Variants in STK31 observed in about 807,000 individuals in gnomAD.
The protein encoded by STK31 is serine/threonine kinase 31.
STK31 carries 89 observed loss-of-function variants against 129.7 expected under a neutral mutation model. That is an observed-to-expected ratio of 0.69 (90% CI 0.58 to 0.82). The LOEUF (loss-of-function observed/expected upper bound fraction) is 0.82, where lower values mean the gene tolerates loss of function less well. Among genes scored for constraint, STK31 ranks in the 40% least tolerant of loss-of-function variants. The pLI, the probability that STK31 is intolerant of heterozygous loss-of-function variation, is 0.00. For synonymous variants in STK31, 448 were observed against 395.3 expected (o/e 1.13, Z -1.58); for missense variants, 1,187 against 1,176.4 (o/e 1.01, Z -0.13).
chr7:23,759,418 A>G (rs1232570768), intron 10 of STK31, among the ~76,000 whole-genome samples: 1 of 152,260 alleles, frequency 6.6e-6, no homozygotes, highest in African/African-American at 2.4e-5. Flanking sequence ...AACTGAAATC[A>G]TAACAAACAG....
intron 22 of STK31, among the ~76,000 whole-genome samples, chr7:23,802,548 C>T (rs1792443103): frequency 6.6e-6 from 1 of 152,176 alleles, no homozygotes; most frequent in African/African-American, 2.4e-5. Context: ...CAGTCTCACT[C>T]TGTCACCCAG....
In STK31 at chr7:23,751,805, T is replaced by C. The variant is rs529711367; in HGVS notation, c.1018-912T>C. ...TGATGAATTGACCCATTTATCTTTATGAAATGTCTCTCTTTATTGCTTAGA... is the reference window on the plus strand; with the variant it reads ...TGATGAATTGACCCATTTATCTTTACGAAATGTCTCTCTTTATTGCTTAGA... On this transcript the variant is annotated intron_variant, in intron 8 of 23. Transcript: ENST00000355870. 3.9e-5 allele frequency among the ~76,000 whole-genome samples: 6 copies of C among 152,210 alleles called. No individual in the cohort carries two copies. The South Asian group carries it at 1.2e-3, about 32-fold the overall frequency.
At chr7:23,754,046 A>T (rs945939732) in intron 9 of STK31, among the ~76,000 whole-genome samples, 1 of 151,880 alleles carries the variant, frequency 6.6e-6, no homozygotes, top group Non-Finnish European at 1.5e-5. Flanking sequence ...AAAATTTTTA[A>T]TTTTTTCATA....
At chr7:23,813,059 G>T (rs1205178572) in intron 22 of STK31, among the ~76,000 whole-genome samples, 1 of 142,124 alleles carries the variant, frequency 7.0e-6, no homozygotes, top group Non-Finnish European at 1.5e-5. Flanking sequence ...TGTCTCACAG[G>T]TCCTTGAGGC....
At chr7:23,741,846 G>C (rs1322147876) in intron 8 of STK31, among the ~76,000 whole-genome samples, 3 of 152,198 alleles carry the variant, frequency 2.0e-5, no homozygotes, top group African/African-American at 7.2e-5. Flanking sequence ...GCATAGGAGA[G>C]CCTGGCTTTT....
At chr7:23,812,179 C>T (rs1793176328) in intron 22 of STK31, among the ~76,000 whole-genome samples, 1 of 152,132 alleles carries the variant, frequency 6.6e-6, no homozygotes, top group Non-Finnish European at 1.5e-5. Context: ...ATCTTGATTT[C>T]ACTTTCATTA....
intron 11 of STK31, among the ~76,000 whole-genome samples, chr7:23,768,098 G>A (rs1056269003): frequency 6.6e-6 from 1 of 151,886 alleles, no homozygotes; most frequent in Admixed American, 6.6e-5. Flanking sequence ...ATGCCTTTAA[G>A]TACAGTCAAG....
At chr7:23,717,842 A>G (rs1460247285) in intron 4 of STK31, among the ~76,000 whole-genome samples, 1 of 152,228 alleles carries the variant, frequency 6.6e-6, no homozygotes, top group Non-Finnish European at 1.5e-5. Context: ...GAGGACAAAT[A>G]CTGTTATGGT....
intron 13 of STK31, among the ~76,000 whole-genome samples, chr7:23,770,593 G>A (rs1346980763): frequency 6.6e-6 from 1 of 151,948 alleles, no homozygotes; most frequent in African/African-American, 2.4e-5. Flanking sequence ...GGTGTAATAC[G>A]GGTAAAGTTT....
At chr7:23,774,759 G>C (rs998912227) in intron 15 of STK31, among the ~76,000 whole-genome samples, 1 of 152,126 alleles carries the variant, frequency 6.6e-6, no homozygotes, top group Non-Finnish European at 1.5e-5. Flanking sequence ...TTCTTTTGCT[G>C]TGCAGAAGCT....
chr7:23,804,404 T>G (rs753427172), intron 22 of STK31, among the ~76,000 whole-genome samples: 10 of 152,324 alleles, frequency 6.6e-5, no homozygotes, highest in Middle Eastern at 3.4e-3. Flanking sequence ...CTCAAATGCC[T>G]AGAACTGTGC....
intron 23 of STK31, among the ~76,000 whole-genome samples, chr7:23,824,302 G>A (rs573298823): frequency 6.3e-4 from 96 of 152,302 alleles, no homozygotes; most frequent in Non-Finnish European, 1.2e-3. Context: ...TCTCCTTGGA[G>A]AGGTCCTTCA....
intron 8 of STK31, among the ~76,000 whole-genome samples, chr7:23,745,686 G>T (rs1655448832): frequency 6.6e-6 from 1 of 152,174 alleles, no homozygotes; most frequent in African/African-American, 2.4e-5. Context: ...CTTGGGTCAT[G>T]TGAAGATGCA....
At chr7:23,799,192 C>T (rs182750892) in intron 22 of STK31, among the ~76,000 whole-genome samples, 1 of 152,272 alleles carries the variant, frequency 6.6e-6, no homozygotes, top group African/African-American at 2.4e-5. Flanking sequence ...AGATTCAGTG[C>T]TATCCCCATC....
intron 23 of STK31, among the ~76,000 whole-genome samples, chr7:23,830,437 T>C (rs576975655): frequency 4.1e-4 from 63 of 152,206 alleles, no homozygotes; most frequent in Non-Finnish European, 7.2e-4. Context: ...AGTTTTGTTA[T>C]GTTGCTTTGA....
chr7:23,790,770 G>A (rs552452160), intron 21 of STK31, 54 bp from the exon 22 acceptor site: 1 of 1,445,862 alleles, frequency 6.9e-7, no homozygotes, highest in East Asian at 2.5e-5. Flanking sequence ...GTACTTCACA[G>A]AAAGTCACCT....
chr7:23,721,462 ATCC>A (rs1456882321), intron 4 of STK31: 4 of 1,052,894 alleles, frequency 3.8e-6, no homozygotes, highest in African/African-American at 1.6e-5. Flanking sequence ...CCATTTTTTC[ATCC>A]TCCTCTCTGT....
At chr7:23,736,012 T>C in intron 7 of STK31, 116 bp downstream of exon 7, 3 of 793,404 alleles carry the variant, frequency 3.8e-6, no homozygotes, top group Non-Finnish European at 5.8e-6. Context: ...TTTTAAGGGC[T>C]GATGCTGATA....
intron 8 of STK31, among the ~76,000 whole-genome samples, chr7:23,738,746 G>T (rs10252515): frequency 6.6e-6 from 1 of 152,042 alleles, no homozygotes; most frequent in East Asian, 1.9e-4. Flanking sequence ...AGTAGAGACG[G>T]GGTTTCACCA....
Sources: allele counts gnomAD v4.1 joint callset (sites outside exome capture counted in the v4.1 genomes callset), GRCh38; gene constraint gnomAD v4.1.1; transcripts MANE v1.5; gene names NCBI Gene and HGNC (gene_info 2026-07-23, HGNC 2026-07-21).